ANO5: variants seen among roughly 807,000 people sequenced by gnomAD.
The protein encoded by ANO5 is anoctamin-5.
Under a neutral mutation model 121.0 loss-of-function variants are expected in ANO5, and 109 were observed. The ratio of observed to expected loss-of-function variants is 0.90; its 90% CI spans 0.77 to 1.06. The LOEUF (loss-of-function observed/expected upper bound fraction) is 1.06, where lower values mean the gene tolerates loss of function less well. ANO5 is among the 50% of genes least tolerant of loss of function. The pLI is 0.00. For synonymous variants in ANO5, 406 were observed against 359.9 expected, an observed-to-expected ratio of 1.13 and a Z score of -1.45; for missense variants, 1,064 against 1,078.5, an observed-to-expected ratio of 0.99 and a Z score of 0.19.
chr11:22,229,899 C>T (rs529884816), intron 7 of ANO5, among the ~76,000 whole-genome samples: 6 of 152,068 alleles, frequency 3.9e-5, no homozygotes, highest in African/African-American at 1.4e-4. Flanking sequence ...TCATCCATAA[C>T]ACTTGTTTCA....
chr11:22,267,504 A>T (rs1293879166), intron 17 of ANO5, among the ~76,000 whole-genome samples: 1 of 145,802 alleles, frequency 6.9e-6, no homozygotes, highest in Non-Finnish European at 1.5e-5. Flanking sequence ...ATAAATATCT[A>T]CAATTATATA....
At chr11:22,211,540 GATTTT>G (rs1852277099) in intron 3 of ANO5, among the ~76,000 whole-genome samples, 2 of 151,942 alleles carry the variant, frequency 1.3e-5, no homozygotes, top group Middle Eastern at 3.4e-3. Context: ...ACTTTGCTTG[GATTTT>G]ATTTTTTCTA....
At chr11:22,217,923 C>T (rs1398524099) in intron 3 of ANO5, among the ~76,000 whole-genome samples, 1 of 151,748 alleles carries the variant, frequency 6.6e-6, no homozygotes, top group Non-Finnish European at 1.5e-5. Context: ...TGCACATGTA[C>T]TCCTGAACTT....
intron 1 of ANO5, among the ~76,000 whole-genome samples, chr11:22,194,273 G>T (rs1426061320): frequency 6.6e-6 from 1 of 152,036 alleles, no homozygotes; most frequent in Non-Finnish European, 1.5e-5. Flanking sequence ...CTATCTCCAG[G>T]ACCCCAGTTC....
At chr11:22,204,362 AT>A (rs1408945859) in intron 2 of ANO5, among the ~76,000 whole-genome samples, 2 of 152,160 alleles carry the variant, frequency 1.3e-5, no homozygotes, top group Non-Finnish European at 2.9e-5. Context: ...AACAATTTAT[AT>A]TGCTTCTATA....
chr11:22,242,870 G>A (rs1853479367), intron 9 of ANO5, among the ~76,000 whole-genome samples: 1 of 151,942 alleles, frequency 6.6e-6, no homozygotes, highest in Non-Finnish European at 1.5e-5. Flanking sequence ...ACTTCTTCTT[G>A]TCCTATTTGG....
intron 9 of ANO5, among the ~76,000 whole-genome samples, chr11:22,247,454 C>T (rs999333882): frequency 2.6e-5 from 4 of 151,862 alleles, no homozygotes; most frequent in African/African-American, 9.7e-5. Flanking sequence ...TAAAATTGTC[C>T]AGCAATAAAT....
At chr11:22,198,571 G>A (rs998925668) in intron 1 of ANO5, among the ~76,000 whole-genome samples, 3 of 151,920 alleles carry the variant, frequency 2.0e-5, no homozygotes, top group African/African-American at 7.3e-5. Context: ...TATGTTAAAT[G>A]GAACAAAAAT....
Position 22,227,324 on chromosome 11 carries a change from A to G in ANO5, c.386A>G (p.Tyr129Cys), listed in dbSNP as rs1852872647. The stretch of plus-strand genomic sequence containing the variant: ...CAGGACTCGGAAGATGGAAGAACTT[A>G]TTTTGTCAAGATCCATGCCCCTTGG... Reference protein sequence around the residue: ...DKRDSEDGRTYFVKIHAPWEV... With the variant: ...DKRDSEDGRTCFVKIHAPWEV... The change falls in exon 7 of 22, where the codon TAT (tyrosine) becomes TGT (cysteine). Residue 129 changes from tyrosine (Y) to cysteine (C), a missense_variant. Physicochemically the swap from Tyr to Cys is radical, Grantham distance 194. Coordinates refer to ENST00000324559, the MANE Select transcript of ANO5 (RefSeq NM_213599.3). 1.2e-6 allele frequency: 2 copies of G among 1,613,052 alleles called. No individual in the cohort carries two copies. The highest frequency in any genetic ancestry group is 1.3e-5 in the African/African-American group (1 of 74,692).
intron 8 of ANO5, 115 bp from the exon 9 acceptor site, chr11:22,239,454 A>G: frequency 1.3e-6 from 1 of 744,692 alleles, no homozygotes; most frequent in Admixed American, 2.0e-5. Context: ...ATGAAATCTA[A>G]AAGTAAAAGA....
At chr11:22,206,471 C>G (rs1852125237) in intron 2 of ANO5, among the ~76,000 whole-genome samples, 1 of 151,974 alleles carries the variant, frequency 6.6e-6, no homozygotes. Context: ...TGCCATCACA[C>G]CTGGCTAATA....
chr11:22,209,413 T>G (rs1180495000), intron 2 of ANO5, among the ~76,000 whole-genome samples: 1 of 151,930 alleles, frequency 6.6e-6, no homozygotes, highest in Non-Finnish European at 1.5e-5. Context: ...GAGGTTAACT[T>G]GCTCAAGTTT....
chr11:22,250,430 T>C lies in ANO5; in HGVS notation c.1013+59T>C. ...CATCTTTATCTTGTGCCAAATGAAG[T>C]TGTTGTTATTATTTCCCTGGCATTT... On this transcript the variant is annotated intron_variant, in intron 10 of 21. Coordinates refer to ENST00000324559, the MANE Select transcript of ANO5 (RefSeq NM_213599.3). The C allele has an allele frequency of 1.9e-6, 3 of 1,597,136 alleles. No individual in the cohort carries two copies. The South Asian group carries it at 3.4e-5, about 18-fold the overall frequency.
intron 19 of ANO5, among the ~76,000 whole-genome samples, chr11:22,273,438 TA>T (rs1214517618): frequency 1.3e-5 from 2 of 152,066 alleles, no homozygotes; most frequent in Non-Finnish European, 2.9e-5. Flanking sequence ...AAGTTGATAA[TA>T]AGATAATCAA....
Position 22,280,045 on chromosome 11 carries a change from A to T in ANO5, c.*280A>T. On this transcript the variant is annotated 3_prime_UTR_variant, in exon 22 of 22. Coordinates refer to ENST00000324559, the MANE Select transcript of ANO5 (RefSeq NM_213599.3). The stretch of plus-strand genomic sequence containing the variant: ...GTGCAGGTAGAATCAGAATACTGGG[A>T]AATTATGGAGTCTTGCAGTTTAGTA... 2 of 397,166 alleles carry T rather than the reference A, an allele frequency of 5.0e-6. No homozygotes were observed. The highest frequency in any genetic ancestry group is 9.1e-6 in the Non-Finnish European group (2 of 219,318). The allele number at this position is 397,166 out of a possible 1,614,324, so 24.6% of individuals were successfully genotyped here.
chr11:22,257,975 C>G (rs1310460170), intron 14 of ANO5, among the ~76,000 whole-genome samples: 2 of 152,098 alleles, frequency 1.3e-5, no homozygotes, highest in South Asian at 2.1e-4. Context: ...GGTACTTTAT[C>G]TTAAAGCCCG....
intron 16 of ANO5, among the ~76,000 whole-genome samples, chr11:22,262,629 C>T (rs1854227449): frequency 6.6e-6 from 1 of 152,182 alleles, no homozygotes; most frequent in Non-Finnish European, 1.5e-5. Flanking sequence ...AGAGTTAGAA[C>T]AGATCCATGG....
rs78271720 is a variant in ANO5 at position 22,194,939 on chromosome 11, C to T, written c.40+1407C>T. Among the ~76,000 whole-genome samples the T allele has an allele frequency of 2.0e-3, 306 of 152,206 alleles. 2 individuals carry two copies. Among genetic ancestry groups the T allele is most frequent in the African/African-American group, 7.1e-3 (296 of 41,540 alleles). On this transcript the variant is annotated intron_variant, in intron 1 of 21. Transcript: ENST00000324559. ...TATGAACATATGCTTTTATTTTCCTCGGGTATATATCTAGGAGTGGAATTG... is the reference window on the plus strand; with the variant it reads ...TATGAACATATGCTTTTATTTTCCTTGGGTATATATCTAGGAGTGGAATTG...
rs1376454120 is a variant in ANO5, at chr11:22,215,372, T to G, written c.139-2874T>G. 2.0e-5 allele frequency among the ~76,000 whole-genome samples: 3 copies of G among 152,002 alleles called. No homozygotes were observed. The East Asian group carries it at 5.8e-4, about 29-fold the overall frequency. Reference sequence around the variant, plus strand: ...GTGCATGTATTTAGATATTATCACCTTATGATTCAGTCATTAATTCAGTCT... The same window carrying G: ...GTGCATGTATTTAGATATTATCACCGTATGATTCAGTCATTAATTCAGTCT... On this transcript the variant is annotated intron_variant, in intron 3 of 21. Coordinates refer to ENST00000324559, the MANE Select transcript of ANO5 (RefSeq NM_213599.3).
Sources: allele counts gnomAD v4.1 joint callset (sites outside exome capture counted in the v4.1 genomes callset), GRCh38; gene constraint gnomAD v4.1.1; transcripts MANE v1.5; gene names NCBI Gene and HGNC (gene_info 2026-07-23, HGNC 2026-07-21).